The following NEK10 variants were observed in gnomAD, a reference collection of about 807,000 sequenced individuals.
The protein encoded by NEK10 is NIMA related kinase 10, also known as serine/threonine-protein kinase Nek10.
NEK10 carries 122 observed loss-of-function variants against 159.8 expected under a neutral mutation model. That is an observed-to-expected ratio of 0.76 (90% CI 0.66 to 0.89). NEK10 has a LOEUF of 0.89. Ranked by LOEUF, NEK10 falls within the 40% of genes least tolerant of loss-of-function variation. The pLI is 0.00. For synonymous variants in NEK10, 466 were observed against 457.1 expected (o/e 1.02, Z -0.25); for missense variants, 1,342 against 1,323.1 (o/e 1.01, Z -0.22).
rs1459204249 is a variant in NEK10, at chr3:27,256,062, G to A, written c.2090+234C>T. 3.9e-5 allele frequency among the ~76,000 whole-genome samples: 6 copies of A among 152,270 alleles called. No individual in the cohort carries two copies. In the South Asian group the frequency reaches 6.2e-4, roughly 16 times the overall value. ...TCATTGCAATTTACAATTGATATAAGTAATCCCCATGAGGGGCATGATACC... is the reference window on the plus strand; with the variant it reads ...TCATTGCAATTTACAATTGATATAAATAATCCCCATGAGGGGCATGATACC... On this transcript the variant is annotated intron_variant, in intron 23 of 35. Transcript: ENST00000691995.
chr3:27,272,761 G>A (rs956961722), intron 22 of NEK10, among the ~76,000 whole-genome samples: 3 of 152,198 alleles, frequency 2.0e-5, no homozygotes, highest in African/African-American at 7.2e-5. Flanking sequence ...CATCCATGAT[G>A]ACACAGACTT....
chr3:27,243,959 G>C (rs770978594), intron 23 of NEK10, among the ~76,000 whole-genome samples: 6 of 152,104 alleles, frequency 3.9e-5, no homozygotes, highest in Non-Finnish European at 7.4e-5. Flanking sequence ...ATATCCACTT[G>C]AGGGACAGAT....
At position 27,108,960 on chromosome 3, in the gene NEK10, A is replaced by C. The variant is rs1456977130; in HGVS notation, c.*2312T>G. 6.6e-6 allele frequency among the ~76,000 whole-genome samples: 1 copy of C among 152,250 alleles called. No individual in the cohort carries two copies. The highest frequency in any genetic ancestry group is 6.5e-5 in the Admixed American group (1 of 15,284). On this transcript the variant is annotated 3_prime_UTR_variant, in exon 36 of 36. Coordinates refer to ENST00000691995, the MANE Select transcript of NEK10 (RefSeq NM_001394966.1). ...AATAGAGCATATTCATACTTTTAGC[A>C]AAACAATACATCTATCCACATAGAG...
intron 29 of NEK10, among the ~76,000 whole-genome samples, chr3:27,170,200 A>G (rs900158340): frequency 6.6e-6 from 1 of 152,118 alleles, no homozygotes; most frequent in Non-Finnish European, 1.5e-5. Flanking sequence ...TTTGTTACAC[A>G]GATGCTGCCA....
At chr3:27,211,440 C>A (rs1219784705) in intron 23 of NEK10, among the ~76,000 whole-genome samples, 1 of 152,114 alleles carries the variant, frequency 6.6e-6, no homozygotes, top group African/African-American at 2.4e-5. Context: ...AGTGGACAAC[C>A]AAATAGTTGA....
At chr3:27,256,221 G>C in intron 23 of NEK10, 75 bp downstream of exon 23, 3 of 647,570 alleles carry the variant, frequency 4.6e-6, no homozygotes, top group Admixed American at 3.5e-5. Context: ...TCTTTCCTTT[G>C]CAAGTCAATA....
chr3:27,228,137 A>T (rs903790119), intron 23 of NEK10, among the ~76,000 whole-genome samples: 3 of 152,224 alleles, frequency 2.0e-5, no homozygotes, highest in Non-Finnish European at 2.9e-5. Context: ...TGCTACTAAG[A>T]AAAACTTTCT....
chr3:27,183,404 A>C (rs1948319105), intron 26 of NEK10, among the ~76,000 whole-genome samples: 1 of 151,396 alleles, frequency 6.6e-6, no homozygotes, highest in African/African-American at 2.4e-5. Flanking sequence ...ACCAAAAAAA[A>C]AAACCAAAAA....
intron 18 of NEK10, 123 bp from the exon 19 acceptor site, chr3:27,290,877 C>T (rs2042950816): frequency 2.7e-6 from 2 of 731,542 alleles, no homozygotes; most frequent in East Asian, 5.2e-5. Context: ...AAATAAGTCA[C>T]AGAGCATTTA....
At chr3:27,291,112 T>C (rs1347724816) in intron 18 of NEK10, 150 bp downstream of exon 18, 1 of 824,420 alleles carries the variant, frequency 1.2e-6, no homozygotes, top group East Asian at 2.7e-5. Flanking sequence ...AGTGTGGCTA[T>C]CTCTGTTGGA....
At chr3:27,319,535 G>A (rs2149644897) in intron 6 of NEK10, among the ~76,000 whole-genome samples, 1 of 152,318 alleles carries the variant, frequency 6.6e-6, no homozygotes, top group African/African-American at 2.4e-5. Context: ...TGCAAGTTAT[G>A]CAATACATCA....
intron 5 of NEK10, among the ~76,000 whole-genome samples, chr3:27,340,969 G>T (rs77212844): frequency 6.6e-6 from 1 of 151,878 alleles, no homozygotes; most frequent in Admixed American, 6.6e-5. Flanking sequence ...ACAAACAAAT[G>T]AATTTTTAAA....
chr3:27,191,042 A>G (rs2148971961), intron 26 of NEK10, among the ~76,000 whole-genome samples: 1 of 152,366 alleles, frequency 6.6e-6, no homozygotes, highest in South Asian at 2.1e-4. Context: ...AACTAGATTC[A>G]GTCTTCAACT....
intron 10 of NEK10, 84 bp downstream of exon 10, chr3:27,308,842 C>A (rs2044449961): frequency 1.7e-6 from 1 of 580,726 alleles, no homozygotes; most frequent in Non-Finnish European, 3.1e-6. Context: ...AAGTAGTTGA[C>A]AAAGTAACTG....
Position 27,288,724 on chromosome 3 carries a change from G to A in NEK10, c.1744-981C>T, listed in dbSNP as rs137903445. 3.7e-4 allele frequency among the ~76,000 whole-genome samples: 57 copies of A among 152,292 alleles called. 1 individual carries two copies. The highest frequency in any genetic ancestry group is 3.0e-3 in the Admixed American group (46 of 15,304). The stretch of plus-strand genomic sequence containing the variant: ...AATTAAAAAAGATCATTTTCTAGAA[G>A]AATGCTAATAATTTTGTAGTTTTTG... On this transcript the variant is annotated intron_variant, in intron 19 of 35. Coordinates refer to ENST00000691995, the MANE Select transcript of NEK10 (RefSeq NM_001394966.1).
At chr3:27,156,929 G>GATACAT (rs1553647311) in intron 30 of NEK10, among the ~76,000 whole-genome samples, 21 of 28,340 alleles carry the variant, frequency 7.4e-4, no homozygotes, top group Non-Finnish European at 1.3e-3. Flanking sequence ...TAAAGAAACT[G>GATACAT]ATATATATAT....
At chr3:27,167,666 C>A (rs754834809) in intron 29 of NEK10, among the ~76,000 whole-genome samples, 29 of 152,122 alleles carry the variant, frequency 1.9e-4, no homozygotes, top group Admixed American at 2.0e-4. Context: ...GCCTTCCTAG[C>A]AAATAGTAAT....
At chr3:27,230,263 T>C (rs1261706044) in intron 23 of NEK10, among the ~76,000 whole-genome samples, 1 of 152,052 alleles carries the variant, frequency 6.6e-6, no homozygotes, top group African/African-American at 2.4e-5. Context: ...GTATAGCCAG[T>C]AGAACTAAGC....
In NEK10 at chr3:27,281,810, C is replaced by T. The variant is rs187470692; in HGVS notation, c.2014+2792G>A. Among the ~76,000 whole-genome samples the T allele has an allele frequency of 3.7e-4, 57 of 152,160 alleles. No individual in the cohort carries two copies. The East Asian group carries it at 8.7e-3, about 23-fold the overall frequency. On this transcript the variant is annotated intron_variant, in intron 22 of 35. Coordinates refer to ENST00000691995, the MANE Select transcript of NEK10 (RefSeq NM_001394966.1). ...CTAAAGTGAAACCCAGAGTACACTG[C>T]AACAAGCAGCTGCAGGAATGAGGAG...
Sources: allele counts gnomAD v4.1 joint callset (sites outside exome capture counted in the v4.1 genomes callset), GRCh38; gene constraint gnomAD v4.1.1; transcripts MANE v1.5; gene names NCBI Gene and HGNC (gene_info 2026-07-23, HGNC 2026-07-21).